SCHIP1: variants seen among roughly 807,000 people sequenced by gnomAD.
The protein encoded by SCHIP1 is schwannomin-interacting protein 1.
In SCHIP1, 8 loss-of-function variants were observed where a neutral mutation model predicts 29.7. That is an observed-to-expected ratio of 0.27 (90% CI 0.16 to 0.49). The LOEUF (loss-of-function observed/expected upper bound fraction) is 0.49. SCHIP1 is among the 20% of genes least tolerant of loss of function. The pLI is 0.99. For synonymous variants in SCHIP1, 76 were observed against 94.9 expected (o/e 0.80, Z 1.16); for missense variants, 193 against 294.6 (o/e 0.66, Z 2.52).
intron 1 of SCHIP1, among the ~76,000 whole-genome samples, chr3:159,847,757 C>A (rs1577422334): frequency 1.3e-5 from 2 of 152,150 alleles, no homozygotes; most frequent in East Asian, 3.8e-4. Context: ...CCACCCCACA[C>A]TTTTAATACC....
the SCHIP1 span, among the ~76,000 whole-genome samples, chr3:159,551,518 G>C: frequency 6.6e-6 from 1 of 152,098 alleles, no homozygotes; most frequent in African/African-American, 2.4e-5. Context: ...ATTTCTTCCA[G>C]TAGAATCAAT....
At chr3:159,391,144 A>G in the SCHIP1 span, among the ~76,000 whole-genome samples, 1 of 152,192 alleles carries the variant, frequency 6.6e-6, no homozygotes, top group African/African-American at 2.4e-5. Flanking sequence ...TTTAACAGTT[A>G]TGCATTTAAA....
chr3:159,716,658 G>A, the SCHIP1 span, among the ~76,000 whole-genome samples: 3 of 152,154 alleles, frequency 2.0e-5, no homozygotes, highest in East Asian at 5.8e-4. Flanking sequence ...TTACATAATG[G>A]TAAAGGGATC....
the SCHIP1 span, among the ~76,000 whole-genome samples, chr3:159,544,746 T>A: frequency 6.6e-6 from 1 of 152,150 alleles, no homozygotes; most frequent in Non-Finnish European, 1.5e-5. Context: ...TCTGTATATG[T>A]GCCCTTTGTT....
the SCHIP1 span, among the ~76,000 whole-genome samples, chr3:159,570,671 A>G: frequency 1.3e-5 from 2 of 152,128 alleles, no homozygotes; most frequent in African/African-American, 4.8e-5. Context: ...GTTTTTTCCA[A>G]TTCTGTGAAG....
chr3:159,613,533 G>A, the SCHIP1 span, among the ~76,000 whole-genome samples: 2 of 152,170 alleles, frequency 1.3e-5, no homozygotes, highest in Non-Finnish European at 1.5e-5. Context: ...CCTGTTTGAA[G>A]GCATTTTCAC....
At chr3:159,636,953 CA>C in the SCHIP1 span, among the ~76,000 whole-genome samples, 1 of 152,138 alleles carries the variant, frequency 6.6e-6, no homozygotes, top group Non-Finnish European at 1.5e-5. Flanking sequence ...CTCATGTTCT[CA>C]AAACAATTAC....
chr3:159,449,859 G>C, the SCHIP1 span, among the ~76,000 whole-genome samples: 1 of 151,888 alleles, frequency 6.6e-6, no homozygotes, highest in South Asian at 2.1e-4. Context: ...AATTAAGTGA[G>C]CTTGAAGCAT....
the SCHIP1 span, among the ~76,000 whole-genome samples, chr3:159,493,382 G>T: frequency 6.0e-3 from 917 of 152,130 alleles, 3 homozygotes; most frequent in Non-Finnish European, 8.0e-3. Context: ...ATACACATAG[G>T]CTCAAAATAA....
chr3:159,854,629 T>C (rs57239154), intron 1 of SCHIP1, among the ~76,000 whole-genome samples: 1,813 of 152,306 alleles, frequency 0.012, 43 homozygotes, highest in African/African-American at 0.041. Flanking sequence ...CCGGAAGCGA[T>C]GTGCAAAAGA....
chr3:159,786,565 A>G, the SCHIP1 span, among the ~76,000 whole-genome samples: 1 of 152,126 alleles, frequency 6.6e-6, no homozygotes, highest in Non-Finnish European at 1.5e-5. Flanking sequence ...TGAGAAATGG[A>G]TTTCGTGCTG....
At chr3:159,743,737 A>G in the SCHIP1 span, among the ~76,000 whole-genome samples, 1 of 152,164 alleles carries the variant, frequency 6.6e-6, no homozygotes, top group Non-Finnish European at 1.5e-5. Context: ...TGTGAAGAGA[A>G]TGTCTTATAT....
chr3:159,728,175 G>A, the SCHIP1 span, among the ~76,000 whole-genome samples: 10 of 152,122 alleles, frequency 6.6e-5, no homozygotes, highest in African/African-American at 2.4e-4. Context: ...TGGGTGGGTA[G>A]ATTAGTACCT....
intron 6 of SCHIP1, among the ~76,000 whole-genome samples, chr3:159,895,481 A>G (rs1717972658): frequency 6.6e-6 from 1 of 152,104 alleles, no homozygotes; most frequent in Non-Finnish European, 1.5e-5. Context: ...CAAATTTATC[A>G]TTTCCTAAAA....
the SCHIP1 span, among the ~76,000 whole-genome samples, chr3:159,646,938 C>A: frequency 6.6e-6 from 1 of 152,010 alleles, no homozygotes. Context: ...GCACTGTCTG[C>A]CCCATCTAGT....
the SCHIP1 span, among the ~76,000 whole-genome samples, chr3:159,665,623 C>T: frequency 6.6e-6 from 1 of 151,820 alleles, no homozygotes; most frequent in East Asian, 1.9e-4. Context: ...CATCCCCTGA[C>T]CAGTGGTCTC....
chr3:159,832,511 A>G, the SCHIP1 span, among the ~76,000 whole-genome samples: 1 of 152,042 alleles, frequency 6.6e-6, no homozygotes, highest in Non-Finnish European at 1.5e-5. Flanking sequence ...CTTGTTCACA[A>G]ACTCTCAACT....
chr3:159,788,456 T>C, the SCHIP1 span, among the ~76,000 whole-genome samples: 1 of 151,938 alleles, frequency 6.6e-6, no homozygotes, highest in African/African-American at 2.4e-5. Context: ...AGAAATTAAA[T>C]ACAGAGACAC....
chr3:159,366,735 C>T, the SCHIP1 span, among the ~76,000 whole-genome samples: 1 of 152,158 alleles, frequency 6.6e-6, no homozygotes, highest in Admixed American at 6.5e-5. Flanking sequence ...ACATCATCTC[C>T]CTGCCCACAT....
Sources: gnomAD v4.1 joint callset for allele counts (sites outside exome capture counted in the v4.1 genomes callset) on GRCh38, gnomAD v4.1.1 for gene constraint, MANE v1.5 for transcripts, NCBI Gene and HGNC (gene_info 2026-07-23, HGNC 2026-07-21) for gene names.